Variants in TCP11L1 observed in about 807,000 individuals in gnomAD.
TCP11L1 encodes t-complex 11 like 1.
TCP11L1 carries 28 observed loss-of-function variants against 48.9 expected under a neutral mutation model. The observed-to-expected ratio is 0.57, with a 90% confidence interval of 0.42 to 0.78. TCP11L1 has a LOEUF of 0.78. Among genes scored for constraint, TCP11L1 ranks in the 30% least tolerant of loss-of-function variants. The pLI, the probability that TCP11L1 is intolerant of heterozygous loss-of-function variation, is 0.00. For missense variants in TCP11L1, 505 were observed against 613.4 expected, an observed-to-expected ratio of 0.82 and a Z score of 1.87; for synonymous variants, 204 against 231.9, an observed-to-expected ratio of 0.88 and a Z score of 1.09.
chr11:33,072,565 G>A lies in TCP11L1; in HGVS notation c.1419G>A (p.Gln473=), dbSNP rs752386369. The part of the protein sequence containing the change: ...PTVPGGLSPV[Q]RELEEVAIKF... ...TCCCTGGGGGACTCAGTCCAGTTCA[G>A]AGAGAGCTGGAGGAAGTTGCTATTA... The change falls in exon 10 of 10, where the codon CAG becomes CAA. Residue 473 remains glutamine (Q), a synonymous_variant. Coordinates refer to ENST00000334274, the MANE Select transcript of TCP11L1 (RefSeq NM_018393.4). 4 of 1,614,050 alleles carry A rather than the reference G, an allele frequency of 2.5e-6. No individual in the cohort carries two copies. In the East Asian group the frequency reaches 8.9e-5, roughly 36 times the overall value.
At chr11:33,066,097 G>A (rs1393755432) in intron 8 of TCP11L1, 86 bp downstream of exon 8, 5 of 1,532,208 alleles carry the variant, frequency 3.3e-6, no homozygotes, top group Non-Finnish European at 3.6e-6. Context: ...CCACTGTAAG[G>A]CAGAGCCCAG....
Position 33,061,899 on chromosome 11 carries a change from G to A in TCP11L1, c.972+173G>A, listed in dbSNP as rs993058013. Among the ~76,000 whole-genome samples the A allele has an allele frequency of 7.2e-5, 11 of 152,132 alleles. No individual in the cohort carries two copies. In the East Asian group the frequency reaches 2.1e-3, roughly 29 times the overall value. ...AGTTCAAGACTTGCCTGGGCAACAT[G>A]GCAAAACACCCTCTGTACTAAAAAT... On this transcript the variant is annotated intron_variant, in intron 7 of 9. Coordinates refer to ENST00000334274, the MANE Select transcript of TCP11L1 (RefSeq NM_018393.4).
At chr11:33,040,192 C>T (rs2273542) in intron 1 of TCP11L1, 61,521 of 151,412 alleles carry the variant, frequency 0.41, 12,716 homozygotes, top group African/African-American at 0.46. Context: ...CGACGGATGA[C>T]CGTCTTCTTG....
At chr11:33,063,449 G>C (rs1854522225) in intron 7 of TCP11L1, among the ~76,000 whole-genome samples, 1 of 152,216 alleles carries the variant, frequency 6.6e-6, no homozygotes, top group African/African-American at 2.4e-5. Context: ...AGCAATGTAT[G>C]AGGCTCCAGT....
chr11:33,066,104 C>T, intron 8 of TCP11L1, 93 bp downstream of exon 8: 1 of 1,488,104 alleles, frequency 6.7e-7, no homozygotes, highest in Non-Finnish European at 9.2e-7. Flanking sequence ...AAGGCAGAGC[C>T]CAGGGCCACT....
chr11:33,071,830 G>A (rs989889014), intron 9 of TCP11L1, among the ~76,000 whole-genome samples: 3 of 152,178 alleles, frequency 2.0e-5, no homozygotes, highest in Non-Finnish European at 4.4e-5. Flanking sequence ...ACTCACTCAT[G>A]CATTCATTCA....
In TCP11L1 at chr11:33,072,749, T is replaced by C; in HGVS notation, c.*73T>C. 2 of 1,544,496 alleles carry C rather than the reference T, an allele frequency of 1.3e-6. No individual in the cohort carries two copies. Among genetic ancestry groups the C allele is most frequent in the Non-Finnish European group, 1.8e-6 (2 of 1,120,734 alleles). ...CCTGTTCTGTACTCTAATGTTGCAT[T>C]GGAAAATGGCTATATAGTACATGTC... On this transcript the variant is annotated 3_prime_UTR_variant, in exon 10 of 10. Coordinates refer to ENST00000334274, the MANE Select transcript of TCP11L1 (RefSeq NM_018393.4).
chr11:33,046,563 G>A (rs1047919955), intron 2 of TCP11L1, among the ~76,000 whole-genome samples: 1 of 152,194 alleles, frequency 6.6e-6, no homozygotes, highest in Non-Finnish European at 1.5e-5. Context: ...CTTTCATTAA[G>A]TTCTCTTAGT....
intron 2 of TCP11L1, among the ~76,000 whole-genome samples, chr11:33,050,661 A>G (rs1296739735): frequency 1.3e-5 from 2 of 151,784 alleles, no homozygotes; most frequent in African/African-American, 4.9e-5. Context: ...ATAACAAAAA[A>G]ACCTTTTTAT....
chr11:33,066,078 A>T, intron 8 of TCP11L1, 67 bp downstream of exon 8: 2 of 1,577,196 alleles, frequency 1.3e-6, no homozygotes, highest in African/African-American at 2.7e-5. Context: ...AGTCTCCCAG[A>T]GGGGTCTCCC....
At chr11:33,042,699 G>A (rs1468404570) in intron 1 of TCP11L1, among the ~76,000 whole-genome samples, 2 of 152,016 alleles carry the variant, frequency 1.3e-5, no homozygotes, top group African/African-American at 4.8e-5. Context: ...TTGGGAGACC[G>A]AGGCAGGTGG....
chr11:33,052,675 A>G (rs1854196105), intron 2 of TCP11L1, among the ~76,000 whole-genome samples: 1 of 152,166 alleles, frequency 6.6e-6, no homozygotes, highest in Non-Finnish European at 1.5e-5. Flanking sequence ...AGCCATCAGC[A>G]TCAACTGGAG....
At chr11:33,043,999 A>G (rs1424496828) in intron 2 of TCP11L1, 63 bp downstream of exon 2, 5 of 1,497,076 alleles carry the variant, frequency 3.3e-6, no homozygotes, top group African/African-American at 1.4e-5. Context: ...CGGTTTTATG[A>G]GGCCTCCTTG....
rs958144908 is a variant in TCP11L1, at chr11:33,039,767, G to A, written c.-50G>A. On this transcript the variant is annotated 5_prime_UTR_variant, in exon 1 of 10. Coordinates refer to ENST00000334274, the MANE Select transcript of TCP11L1 (RefSeq NM_018393.4). ...GCCTGATTCGCGGCGGGAGCGGCAG[G>A]AGGGAGAACGCCGACTCCGTGGCAG... 1.3e-5 allele frequency: 2 copies of A among 152,360 alleles called. No homozygotes were observed. Among genetic ancestry groups the A allele is most frequent in the Non-Finnish European group, 2.9e-5 (2 of 68,120 alleles). 9.4% of individuals were successfully genotyped at this position (152,360 alleles called of 1,614,324 possible).
At chr11:33,066,091 T>A (rs1305852675) in intron 8 of TCP11L1, 80 bp downstream of exon 8, 4 of 1,549,180 alleles carry the variant, frequency 2.6e-6, no homozygotes, top group Non-Finnish European at 3.5e-6. Flanking sequence ...GGTCTCCCAC[T>A]GTAAGGCAGA....
chr11:33,062,480 G>A (rs1017349543), intron 7 of TCP11L1, among the ~76,000 whole-genome samples: 1 of 151,892 alleles, frequency 6.6e-6, no homozygotes, highest in African/African-American at 2.4e-5. Flanking sequence ...TTTCCACTGT[G>A]TTTTTTTTGT....
intron 7 of TCP11L1, among the ~76,000 whole-genome samples, chr11:33,064,173 G>A (rs1389752124): frequency 6.6e-6 from 1 of 152,114 alleles, no homozygotes; most frequent in Admixed American, 6.6e-5. Context: ...GAAAAGAAAC[G>A]CTGTGGGGAA....
intron 3 of TCP11L1, among the ~76,000 whole-genome samples, chr11:33,056,097 T>A (rs966249136): frequency 6.6e-6 from 1 of 152,084 alleles, no homozygotes; most frequent in Non-Finnish European, 1.5e-5. Flanking sequence ...ACTACAGGTG[T>A]GAGCCACTGC....
At chr11:33,068,934 G>C in intron 9 of TCP11L1, 75 bp downstream of exon 9, 1 of 1,539,910 alleles carries the variant, frequency 6.5e-7, no homozygotes, top group African/African-American at 1.4e-5. Flanking sequence ...GAAGAAACCT[G>C]AGGGCTCAGC....
Sources: allele counts gnomAD v4.1 joint callset (sites outside exome capture counted in the v4.1 genomes callset), GRCh38; gene constraint gnomAD v4.1.1; transcripts MANE v1.5; gene names NCBI Gene and HGNC (gene_info 2026-07-23, HGNC 2026-07-21).